Variants in CCDC171 observed in about 807,000 individuals in gnomAD.
The protein encoded by CCDC171 is coiled-coil domain-containing protein 171.
Under a neutral mutation model 168.2 loss-of-function variants are expected in CCDC171, and 177 were observed. That is an observed-to-expected ratio of 1.05 (90% CI 0.93 to 1.19). The LOEUF is 1.19. Among genes scored for constraint, CCDC171 ranks in the 50% most tolerant of loss-of-function variants. The probability of loss-of-function intolerance (pLI) is 0.00; values close to 1 mark genes in which losing one functional copy is unlikely to be tolerated. For missense variants in CCDC171, 1,991 were observed against 1,539.0 expected (o/e 1.29, Z -4.91); for synonymous variants, 687 against 540.8 (o/e 1.27, Z -3.75).
chr9:15,752,865 T>G (rs2055850150), intron 18 of CCDC171, among the ~76,000 whole-genome samples: 1 of 152,122 alleles, frequency 6.6e-6, no homozygotes, highest in African/African-American at 2.4e-5. Context: ...ATTGTGTACA[T>G]GTACCCCAGA....
intron 21 of CCDC171, among the ~76,000 whole-genome samples, chr9:15,832,381 A>G (rs894463199): frequency 6.6e-6 from 1 of 152,166 alleles, no homozygotes; most frequent in African/African-American, 2.4e-5. Flanking sequence ...GTGTCAGACA[A>G]TTTTGTTGTA....
intron 11 of CCDC171, among the ~76,000 whole-genome samples, chr9:15,719,447 A>AGAGGG (rs2053325320): frequency 9.9e-6 from 1 of 101,314 alleles, no homozygotes; most frequent in African/African-American, 3.5e-5. Context: ...AGAGAGAGAG[A>AGAGGG]AAGTTTATTC....
chr9:15,911,498 C>T (rs569738163), intron 24 of CCDC171, among the ~76,000 whole-genome samples: 2 of 152,234 alleles, frequency 1.3e-5, no homozygotes, highest in South Asian at 2.1e-4. Flanking sequence ...CTGTAGGTTG[C>T]CTGTTCACTC....
chr9:16,040,224 C>T (rs188943522), upstream of CCDC171, among the ~76,000 whole-genome samples: 23 of 152,322 alleles, frequency 1.5e-4, no homozygotes, highest in East Asian at 2.3e-3. Flanking sequence ...GGCTGGCCAA[C>T]GCTTTGCCCA....
intron 6 of CCDC171, among the ~76,000 whole-genome samples, chr9:15,622,448 AT>A (rs2044582919): frequency 6.6e-6 from 1 of 152,192 alleles, no homozygotes. Flanking sequence ...TTCTAATGGT[AT>A]CTTTTGAGTG....
At chr9:15,748,504 C>T (rs146133516) in intron 18 of CCDC171, among the ~76,000 whole-genome samples, 1,896 of 152,076 alleles carry the variant, frequency 0.012, 46 homozygotes, top group African/African-American at 0.043. Flanking sequence ...GATGAGCAAC[C>T]CCAAGACACA....
intron 20 of CCDC171, among the ~76,000 whole-genome samples, chr9:15,783,511 A>G (rs73418137): frequency 0.03 from 4,596 of 152,290 alleles, 239 homozygotes; most frequent in African/African-American, 0.1. Flanking sequence ...AAATAGATAC[A>G]TGTATAACTT....
chr9:15,648,113 A>C (rs1038393169), intron 7 of CCDC171, among the ~76,000 whole-genome samples: 62 of 152,364 alleles, frequency 4.1e-4, no homozygotes, highest in Non-Finnish European at 2.6e-4. Flanking sequence ...CAATAAACGT[A>C]ATCCATCACA....
chr9:15,571,878 G>C (rs1299501657), intron 3 of CCDC171, 119 bp downstream of exon 3: 11 of 831,804 alleles, frequency 1.3e-5, no homozygotes, highest in Non-Finnish European at 2.0e-5. Context: ...GCTTAAAAAG[G>C]AAATTGTAAT....
intron 20 of CCDC171, among the ~76,000 whole-genome samples, chr9:15,780,621 C>T (rs150749779): frequency 5.1e-4 from 77 of 152,262 alleles, no homozygotes; most frequent in Non-Finnish European, 4.7e-4. Flanking sequence ...TTTTGTTCTC[C>T]ACATTTCGTG....
intron 3 of CCDC171, among the ~76,000 whole-genome samples, chr9:16,009,197 C>G (rs1260329036): frequency 6.6e-6 from 1 of 152,138 alleles, no homozygotes; most frequent in Non-Finnish European, 1.5e-5. Context: ...AACTAAGAAG[C>G]TCACAAAAAT....
At chr9:15,767,978 A>C (rs1327971662) in intron 18 of CCDC171, among the ~76,000 whole-genome samples, 2 of 149,682 alleles carry the variant, frequency 1.3e-5, no homozygotes, top group African/African-American at 4.9e-5. Flanking sequence ...TAGGCAGTGC[A>C]CCCACCTCGG....
chr9:15,850,767 T>A (rs1275241691), intron 23 of CCDC171, among the ~76,000 whole-genome samples: 1 of 151,922 alleles, frequency 6.6e-6, no homozygotes, highest in Non-Finnish European at 1.5e-5. Context: ...TTCAATAGGT[T>A]TATTTTTCTG....
rs533920108 is a variant in CCDC171 at position 15,603,776 on chromosome 9, G to T, written c.675+9604G>T. On this transcript the variant is annotated intron_variant, in intron 6 of 25. Transcript: ENST00000380701. ...CCTTTGGGTATATACCTATTAATGG[G>T]ATTGCTGGGTCAAATGGTATTTCTG... Among the ~76,000 whole-genome samples the T allele has an allele frequency of 1.3e-4, 20 of 152,164 alleles. No individual in the cohort carries two copies. The South Asian group carries it at 4.2e-3, about 32-fold the overall frequency.
At chr9:15,873,596 T>G (rs1354516358) in intron 23 of CCDC171, among the ~76,000 whole-genome samples, 1 of 152,090 alleles carries the variant, frequency 6.6e-6, no homozygotes, top group East Asian at 1.9e-4. Context: ...TATTGAAAAC[T>G]CCTATTATTA....
At chr9:16,059,745 A>AT (rs1833903247) in intron 1 of CCDC171, among the ~76,000 whole-genome samples, 1 of 147,728 alleles carries the variant, frequency 6.8e-6, no homozygotes, top group Non-Finnish European at 1.5e-5. Flanking sequence ...CGATCGCCTG[A>AT]CCTCATGATC....
chr9:15,757,244 C>G (rs1234333457), intron 18 of CCDC171, among the ~76,000 whole-genome samples: 2 of 152,158 alleles, frequency 1.3e-5, no homozygotes, highest in Non-Finnish European at 1.5e-5. Flanking sequence ...GCCCAAAAGT[C>G]TGATAGATAT....
At chr9:16,103,158 G>C in the CCDC171 span, among the ~76,000 whole-genome samples, 1 of 152,192 alleles carries the variant, frequency 6.6e-6, no homozygotes, top group African/African-American at 2.4e-5. Context: ...CATCCAAAGA[G>C]CTGTGCAATC....
intron 8 of CCDC171, 97 bp from the exon 9 acceptor site, chr9:15,666,066 T>C: frequency 9.6e-7 from 1 of 1,043,814 alleles, no homozygotes; most frequent in East Asian, 2.4e-5. Flanking sequence ...AGTGCTTGGA[T>C]GAATGATAAT....
Sources: allele counts gnomAD v4.1 joint callset (sites outside exome capture counted in the v4.1 genomes callset), GRCh38; gene constraint gnomAD v4.1.1; transcripts MANE v1.5; gene names NCBI Gene and HGNC (gene_info 2026-07-23, HGNC 2026-07-21).